Variants in GOLGA7 observed in about 807,000 individuals in gnomAD.
GOLGA7 encodes the protein golgin A7, also known as golgin subfamily A member 7.
Under a neutral mutation model 21.1 loss-of-function variants are expected in GOLGA7, and 10 were observed. That is an observed-to-expected ratio of 0.47 (90% CI 0.29 to 0.80). The LOEUF is 0.80. GOLGA7 is among the 30% of genes least tolerant of loss of function. The pLI is 0.08. For missense variants in GOLGA7, 114 were observed against 166.8 expected, an observed-to-expected ratio of 0.68 and a Z score of 1.74; for synonymous variants, 64 against 62.6, an observed-to-expected ratio of 1.02 and a Z score of -0.10.
At chr8:41,490,998 C>A in intron 1 of GOLGA7, 33 bp downstream of exon 1, 1 of 1,231,224 alleles carries the variant, frequency 8.1e-7, no homozygotes, top group Non-Finnish European at 1.2e-6. Flanking sequence ...CCTGCTCTGG[C>A]GAGGGAGAGA....
At chr8:41,503,976 C>T (rs1444758936) in intron 2 of GOLGA7, among the ~76,000 whole-genome samples, 3 of 131,894 alleles carry the variant, frequency 2.3e-5, no homozygotes, top group East Asian at 2.0e-4. Flanking sequence ...GTGGTGGGGT[C>T]GGGGGAGCGG....
intron 3 of GOLGA7, among the ~76,000 whole-genome samples, chr8:41,506,777 C>T (rs748091912): frequency 6.6e-6 from 1 of 152,138 alleles, no homozygotes; most frequent in South Asian, 2.1e-4. Flanking sequence ...TTAAGAACTC[C>T]CTAGTTCAAC....
At chr8:41,498,957 C>G (rs1390285559) in intron 2 of GOLGA7, among the ~76,000 whole-genome samples, 1 of 152,230 alleles carries the variant, frequency 6.6e-6, no homozygotes, top group African/African-American at 2.4e-5. Context: ...ATAGAAATGT[C>G]TTACACTCCA....
intron 1 of GOLGA7, among the ~76,000 whole-genome samples, chr8:41,495,202 C>CAAAAAAAA (rs1200554916): frequency 2.5e-5 from 1 of 39,620 alleles, no homozygotes; most frequent in East Asian, 1.3e-3. Flanking sequence ...GACTCTGTCT[C>CAAAAAAAA]AAAAAAAAAA....
chr8:41,501,099 G>GT (rs1806139714), intron 2 of GOLGA7, among the ~76,000 whole-genome samples: 1 of 152,098 alleles, frequency 6.6e-6, no homozygotes, highest in South Asian at 2.1e-4. Flanking sequence ...AATTTTAATT[G>GT]TATTTGTCAA....
chr8:41,508,120 T>C (rs577373030), intron 4 of GOLGA7, among the ~76,000 whole-genome samples: 2 of 152,330 alleles, frequency 1.3e-5, no homozygotes, highest in East Asian at 3.9e-4. Flanking sequence ...TATTGGGATA[T>C]GAACCCAAGT....
Position 41,510,676 on chromosome 8 carries a change from C to T in GOLGA7, c.*1108C>T, listed in dbSNP as rs1370111152. 6.6e-6 allele frequency: 1 copy of T among 152,524 alleles called. No homozygotes were observed. Among genetic ancestry groups the T allele is most frequent in the South Asian group, 2.1e-4 (1 of 4,830 alleles). 9.4% of individuals were successfully genotyped at this position (152,524 alleles called of 1,614,324 possible). ...TAGGATCGGGGCTGCTTATGCCTTT[C>T]GTTTATCCTTGGGGTTTGAGAGCGC... On this transcript the variant is annotated 3_prime_UTR_variant, in exon 5 of 5. Transcript: ENST00000357743.
chr8:41,493,959 T>G (rs1805946786), intron 1 of GOLGA7, among the ~76,000 whole-genome samples: 1 of 152,250 alleles, frequency 6.6e-6, no homozygotes, highest in Non-Finnish European at 1.5e-5. Flanking sequence ...CCCTTTCTTG[T>G]GAAGTTTGTC....
intron 2 of GOLGA7, among the ~76,000 whole-genome samples, chr8:41,504,125 A>AAT (rs1242254264): frequency 8.8e-6 from 1 of 114,098 alleles, no homozygotes; most frequent in South Asian, 2.3e-4. Context: ...TATAATAAAA[A>AAT]AAAAAAAAAA....
At chr8:41,491,831 A>G (rs1281612358) in intron 1 of GOLGA7, among the ~76,000 whole-genome samples, 1 of 152,090 alleles carries the variant, frequency 6.6e-6, no homozygotes, top group African/African-American at 2.4e-5. Context: ...TCAGGGATCA[A>G]TTTCTGGTTA....
At chr8:41,501,619 C>T (rs1806152366) in intron 2 of GOLGA7, among the ~76,000 whole-genome samples, 1 of 152,164 alleles carries the variant, frequency 6.6e-6, no homozygotes, top group Non-Finnish European at 1.5e-5. Flanking sequence ...TGGTCTTGCA[C>T]TCCTGGCCTC....
intron 1 of GOLGA7, among the ~76,000 whole-genome samples, chr8:41,495,335 A>C (rs1021998227): frequency 6.7e-6 from 1 of 150,172 alleles, no homozygotes; most frequent in African/African-American, 2.5e-5. Context: ...CCCAGACTGG[A>C]GTGCAGTGGT....
At chr8:41,507,239 G>A (rs985984439) in intron 4 of GOLGA7, 118 bp downstream of exon 4, 1 of 647,996 alleles carries the variant, frequency 1.5e-6, no homozygotes, top group African/African-American at 1.8e-5. Context: ...CAGTATATTT[G>A]CTGTGTTAGC....
chr8:41,496,231 G>T (rs1806010358), intron 1 of GOLGA7, among the ~76,000 whole-genome samples: 2 of 152,066 alleles, frequency 1.3e-5, no homozygotes, highest in Non-Finnish European at 2.9e-5. Flanking sequence ...GGCTGTGCAT[G>T]GAAAAGATAC....
chr8:41,505,030 A>G (rs1806250922), intron 2 of GOLGA7, among the ~76,000 whole-genome samples: 1 of 152,236 alleles, frequency 6.6e-6, no homozygotes, highest in African/African-American at 2.4e-5. Flanking sequence ...CATTAGAGCC[A>G]GAAAAAAGTT....
chr8:41,499,419 A>G (rs931500267), intron 2 of GOLGA7, among the ~76,000 whole-genome samples: 1 of 152,218 alleles, frequency 6.6e-6, no homozygotes, highest in African/African-American at 2.4e-5. Context: ...TACCAGAAGA[A>G]TCGGATCACA....
chr8:41,501,509 T>G (rs1391989960), intron 2 of GOLGA7, among the ~76,000 whole-genome samples: 1 of 151,796 alleles, frequency 6.6e-6, no homozygotes, highest in Non-Finnish European at 1.5e-5. Flanking sequence ...CTCCCAAAGT[T>G]CTAGGATTAC....
rs1436807252 is a variant in GOLGA7 at position 41,510,813 on chromosome 8, T to C, written c.*1245T>C. On this transcript the variant is annotated 3_prime_UTR_variant, in exon 5 of 5. Coordinates refer to ENST00000357743, the MANE Select transcript of GOLGA7 (RefSeq NM_001002296.2). Reference sequence around the variant, plus strand: ...GGATTTCGTCTCAGATTTAATTTCTTTTATGGGTCTGTTAGTCATTCAACA... The same window carrying C: ...GGATTTCGTCTCAGATTTAATTTCTCTTATGGGTCTGTTAGTCATTCAACA... 6.5e-6 allele frequency: 1 copy of C among 153,030 alleles called. No homozygotes were observed. Among genetic ancestry groups the C allele is most frequent in the Non-Finnish European group, 1.5e-5 (1 of 68,336 alleles). The allele number at this position is 153,030 out of a possible 1,614,324, so 9.5% of individuals were successfully genotyped here. A position where few individuals can be genotyped will look rare whatever the true frequency, so the allele number is the denominator to read the frequency against.
chr8:41,491,101 C>T (rs979774799), intron 1 of GOLGA7, 136 bp downstream of exon 1: 14 of 636,614 alleles, frequency 2.2e-5, no homozygotes. Flanking sequence ...GGGCCTTGGC[C>T]AAACGTGTAA....
Sources: allele counts gnomAD v4.1 joint callset (sites outside exome capture counted in the v4.1 genomes callset), GRCh38; gene constraint gnomAD v4.1.1; transcripts MANE v1.5; gene names NCBI Gene and HGNC (gene_info 2026-07-23, HGNC 2026-07-21).